Variants in CDH12 observed in about 807,000 individuals in gnomAD.
CDH12 encodes cadherin-12.
In CDH12, 41 loss-of-function variants were observed where a neutral mutation model predicts 74.1. The ratio of observed to expected loss-of-function variants is 0.55; its 90% CI spans 0.43 to 0.72. CDH12 has a LOEUF of 0.72. Ranked by LOEUF, CDH12 falls within the 30% of genes least tolerant of loss-of-function variation. The pLI is 0.00. For synonymous variants in CDH12, 399 were observed against 355.0 expected (o/e 1.12, Z -1.39); for missense variants, 945 against 977.2 (o/e 0.97, Z 0.44).
chr5:21,944,468 A>G (rs1755478568), intron 6 of CDH12, among the ~76,000 whole-genome samples: 1 of 152,130 alleles, frequency 6.6e-6, no homozygotes, highest in African/African-American at 2.4e-5. Context: ...TTAAACTTCT[A>G]AAGAATGACC....
chr5:21,809,200 C>G (rs1747606541), intron 9 of CDH12, among the ~76,000 whole-genome samples: 1 of 152,006 alleles, frequency 6.6e-6, no homozygotes, highest in Admixed American at 6.6e-5. Context: ...GAATCATGGT[C>G]ATTATAGTAA....
chr5:21,802,740 C>T (rs1232805348), intron 9 of CDH12, among the ~76,000 whole-genome samples: 2 of 151,506 alleles, frequency 1.3e-5, no homozygotes, highest in Middle Eastern at 3.2e-3. Flanking sequence ...TACAGGCGCC[C>T]GCCACCATGC....
intron 1 of CDH12, among the ~76,000 whole-genome samples, chr5:22,847,208 AT>A (rs1737348300): frequency 6.6e-6 from 1 of 152,140 alleles, no homozygotes; most frequent in Non-Finnish European, 1.5e-5. Flanking sequence ...GAGGTTTTCT[AT>A]TCTTACCTAA....
intron 5 of CDH12, among the ~76,000 whole-genome samples, chr5:22,059,280 T>TATCC (rs1554005237): frequency 1.3e-5 from 2 of 150,866 alleles, no homozygotes; most frequent in Non-Finnish European, 3.0e-5. Context: ...TCTATCTATC[T>TATCC]ATCTATCTAT....
intron 3 of CDH12, among the ~76,000 whole-genome samples, chr5:22,266,923 G>C (rs1170701558): frequency 1.3e-5 from 2 of 152,058 alleles, no homozygotes; most frequent in African/African-American, 4.8e-5. Context: ...TTATATTTTA[G>C]AGTGTTTCTG....
intron 2 of CDH12, among the ~76,000 whole-genome samples, chr5:22,447,890 C>T (rs1744883662): frequency 1.3e-5 from 2 of 150,308 alleles, no homozygotes; most frequent in African/African-American, 2.5e-5. Context: ...GCCTGTAATA[C>T]CAGCACTTTG....
At chr5:22,278,859 T>C (rs1024271878) in intron 3 of CDH12, among the ~76,000 whole-genome samples, 1 of 152,046 alleles carries the variant, frequency 6.6e-6, no homozygotes, top group Admixed American at 6.6e-5. Context: ...TAAATGAAAA[T>C]AGCTACAAAA....
intron 4 of CDH12, among the ~76,000 whole-genome samples, chr5:22,210,654 T>C (rs1282656829): frequency 6.6e-6 from 1 of 152,096 alleles, no homozygotes; most frequent in African/African-American, 2.4e-5. Context: ...ATGGACGTAC[T>C]CTGGTCAGAC....
At chr5:22,207,449 A>C (rs1458969545) in intron 4 of CDH12, among the ~76,000 whole-genome samples, 1 of 152,156 alleles carries the variant, frequency 6.6e-6, no homozygotes, top group Non-Finnish European at 1.5e-5. Flanking sequence ...GACAAGATGG[A>C]AATGTATAGC....
chr5:22,148,886 C>T (rs1299765764), intron 4 of CDH12, among the ~76,000 whole-genome samples: 4 of 152,058 alleles, frequency 2.6e-5, no homozygotes, highest in East Asian at 3.9e-4. Flanking sequence ...TTTGGGAGGC[C>T]GAGGCATGCG....
intron 2 of CDH12, among the ~76,000 whole-genome samples, 171 bp downstream of exon 2, chr5:22,505,099 G>T (rs1448112421): frequency 2.0e-5 from 3 of 151,894 alleles, no homozygotes; most frequent in African/African-American, 7.2e-5. Context: ...GTTACTTCAA[G>T]TTTCATGATT....
chr5:22,312,974 G>A (rs944387691), intron 3 of CDH12, among the ~76,000 whole-genome samples: 1 of 152,144 alleles, frequency 6.6e-6, no homozygotes, highest in African/African-American at 2.4e-5. Flanking sequence ...TTAACAGCAC[G>A]CTTGTTATTG....
intron 3 of CDH12, among the ~76,000 whole-genome samples, chr5:22,263,865 A>G (rs1230326220): frequency 2.0e-5 from 3 of 152,156 alleles, no homozygotes; most frequent in African/African-American, 7.2e-5. Context: ...AGGTGTCATG[A>G]TTACCCAATA....
chr5:21,860,113 G>A (rs1328365033), intron 6 of CDH12, among the ~76,000 whole-genome samples: 1 of 151,974 alleles, frequency 6.6e-6, no homozygotes, highest in East Asian at 1.9e-4. Flanking sequence ...CCACGACCAC[G>A]TGACTCGTTG....
At position 22,130,186 on chromosome 5, in the gene CDH12, A is replaced by G. The variant is rs534567617; in HGVS notation, c.-186-51324T>C. Among the ~76,000 whole-genome samples, 774 of 150,852 alleles carry G rather than the reference A, an allele frequency of 5.1e-3. 10 individuals carry two copies. The highest frequency in any genetic ancestry group is 0.018 in the African/African-American group (746 of 41,070). On this transcript the variant is annotated intron_variant, in intron 4 of 14. Coordinates refer to ENST00000382254, the MANE Select transcript of CDH12 (RefSeq NM_004061.5). The stretch of plus-strand genomic sequence containing the variant: ...TGAAGAGACCATGGGAAAAAAGGAA[A>G]AAGGGAGGAGTTTAAAGAGTCAAAC...
At position 22,663,876 on chromosome 5, in the gene CDH12, C is replaced by A. The variant is rs186668807; in HGVS notation, c.-522-158512G>T. On this transcript the variant is annotated intron_variant, in intron 1 of 14. Transcript: ENST00000382254. ...TAATTGATTAGTTACTCTTTTTGGT[C>A]AAATTTTGACTTTTTTAACCACTTT... is the stretch of plus-strand genomic sequence containing the variant. Among the ~76,000 whole-genome samples, 160 of 151,914 alleles carry A rather than the reference C, an allele frequency of 1.1e-3. 1 individual carries two copies. The highest frequency in any genetic ancestry group is 2.2e-3 in the Admixed American group (34 of 15,256).
Position 22,122,415 on chromosome 5 carries a change from A to G in CDH12, c.-186-43553T>C, listed in dbSNP as rs1745569658. 2.0e-5 allele frequency among the ~76,000 whole-genome samples: 3 copies of G among 151,998 alleles called. No individual in the cohort carries two copies. In the South Asian group the frequency reaches 6.2e-4, roughly 31 times the overall value. On this transcript the variant is annotated intron_variant, in intron 4 of 14. Transcript: ENST00000382254. ...GAGACTCCATCTCACAAAAACAAAAACAAACAAACAAACAAACAAAACTCT... is the reference window on the plus strand; with the variant it reads ...GAGACTCCATCTCACAAAAACAAAAGCAAACAAACAAACAAACAAAACTCT...
intron 1 of CDH12, among the ~76,000 whole-genome samples, chr5:22,830,269 A>T (rs556888726): frequency 6.6e-6 from 1 of 152,288 alleles, no homozygotes; most frequent in East Asian, 1.9e-4. Flanking sequence ...TGTTTAATGT[A>T]TTTCTAATAG....
chr5:22,433,751 T>C (rs1275509272), intron 2 of CDH12, among the ~76,000 whole-genome samples: 1 of 152,168 alleles, frequency 6.6e-6, no homozygotes, highest in Non-Finnish European at 1.5e-5. Flanking sequence ...TGTTTAGGAA[T>C]TCAAACACAG....
Sources: allele counts gnomAD v4.1 joint callset (sites outside exome capture counted in the v4.1 genomes callset), GRCh38; gene constraint gnomAD v4.1.1; transcripts MANE v1.5; gene names NCBI Gene and HGNC (gene_info 2026-07-23, HGNC 2026-07-21).